Variants in TRAK1 observed in about 807,000 individuals in gnomAD.
TRAK1 encodes the protein trafficking kinesin protein 1.
A neutral mutation model predicts 92.1 loss-of-function variants in TRAK1; 33 were observed. The observed-to-expected ratio is 0.36, with a 90% CI of 0.27 to 0.48. The LOEUF (loss-of-function observed/expected upper bound fraction) is 0.48. Ranked by LOEUF, TRAK1 falls within the 20% of genes least tolerant of loss-of-function variation. The probability of loss-of-function intolerance (pLI) is 0.99; values close to 1 mark genes in which losing one functional copy is unlikely to be tolerated. For synonymous variants in TRAK1, 521 were observed against 517.3 expected (o/e 1.01, Z -0.10); for missense variants, 1,123 against 1,257.9 (o/e 0.89, Z 1.62).
upstream of TRAK1, among the ~76,000 whole-genome samples, chr3:42,082,495 G>A (rs955972154): frequency 2.6e-5 from 4 of 152,050 alleles, no homozygotes; most frequent in African/African-American, 9.7e-5. Flanking sequence ...CTACTTGGGA[G>A]ACTGAGGCAG....
chr3:42,031,354 A>G (rs1263250286), intron 1 of TRAK1, among the ~76,000 whole-genome samples: 1 of 151,014 alleles, frequency 6.6e-6, no homozygotes. Context: ...TTCAAAATTG[A>G]AAGTTTTCCA....
intron 2 of TRAK1, among the ~76,000 whole-genome samples, chr3:42,136,986 T>C (rs892834989): frequency 6.6e-6 from 1 of 152,162 alleles, no homozygotes; most frequent in African/African-American, 2.4e-5. Context: ...GACAAAATAA[T>C]ATTTCTATCA....
intron 1 of TRAK1, among the ~76,000 whole-genome samples, chr3:42,072,954 C>T (rs1015689255): frequency 6.6e-6 from 1 of 152,062 alleles, no homozygotes; most frequent in African/African-American, 2.4e-5. Flanking sequence ...AAGGTTTAGC[C>T]TTAAAAGTGG....
intron 1 of TRAK1, among the ~76,000 whole-genome samples, chr3:42,076,639 T>A (rs1704175614): frequency 6.6e-6 from 1 of 152,222 alleles, no homozygotes; most frequent in Admixed American, 6.5e-5. Flanking sequence ...TTTAATTAGA[T>A]CCCACTTACC....
chr3:42,027,774 A>G (rs1485967201), intron 1 of TRAK1, among the ~76,000 whole-genome samples: 1 of 152,190 alleles, frequency 6.6e-6, no homozygotes, highest in Non-Finnish European at 1.5e-5. Context: ...AACCAGGAAC[A>G]ACCATTTTTC....
At chr3:42,028,474 A>G (rs769652810) in intron 1 of TRAK1, among the ~76,000 whole-genome samples, 6 of 152,186 alleles carry the variant, frequency 3.9e-5, no homozygotes, top group Admixed American at 6.5e-5. Context: ...AAGAGACCCA[A>G]TGTAGTAATA....
intron 4 of TRAK1, among the ~76,000 whole-genome samples, chr3:42,186,426 G>A (rs1016664418): frequency 6.6e-6 from 1 of 152,196 alleles, no homozygotes; most frequent in African/African-American, 2.4e-5. Context: ...TTAATATGAT[G>A]AAGCATAGTC....
At chr3:42,041,805 T>G (rs1424311980) in intron 1 of TRAK1, among the ~76,000 whole-genome samples, 1 of 151,884 alleles carries the variant, frequency 6.6e-6, no homozygotes, top group Non-Finnish European at 1.5e-5. Context: ...TTCTTTTCTT[T>G]TCTTTTTGAG....
intron 2 of TRAK1, among the ~76,000 whole-genome samples, chr3:42,157,074 C>A (rs1700618331): frequency 6.6e-6 from 1 of 151,686 alleles, no homozygotes; most frequent in Non-Finnish European, 1.5e-5. Context: ...ATAGTTTGAA[C>A]CCAGGAGGCG....
At chr3:42,195,191 T>G (rs1468795706) in intron 10 of TRAK1, among the ~76,000 whole-genome samples, 2 of 152,364 alleles carry the variant, frequency 1.3e-5, no homozygotes, top group Middle Eastern at 3.4e-3. Context: ...ATAAATTTAG[T>G]AGGAACTTGC....
chr3:42,103,460 C>T (rs1165545806), intron 1 of TRAK1, among the ~76,000 whole-genome samples: 3 of 152,168 alleles, frequency 2.0e-5, no homozygotes, highest in Non-Finnish European at 4.4e-5. Context: ...CAGGCATGAG[C>T]CACTATGCCT....
intron 2 of TRAK1, among the ~76,000 whole-genome samples, chr3:42,138,310 T>C (rs1351875694): frequency 6.6e-6 from 1 of 152,220 alleles, no homozygotes; most frequent in Non-Finnish European, 1.5e-5. Context: ...AATTTTCATC[T>C]TCAGAGAGTA....
chr3:42,070,487 G>A (rs1576236178), intron 1 of TRAK1, among the ~76,000 whole-genome samples: 1 of 151,964 alleles, frequency 6.6e-6, no homozygotes, highest in Non-Finnish European at 1.5e-5. Context: ...GAGTGTGGTG[G>A]CGCCATCATG....
chr3:42,218,079 G>C, intron 14 of TRAK1: 1 of 985,364 alleles, frequency 1.0e-6, no homozygotes, highest in Non-Finnish European at 1.2e-6. Context: ...ACCCGAGTCA[G>C]ACCTTAAAAA....
chr3:42,223,164 C>CACT lies in TRAK1; in HGVS notation c.2289_2290insACT (p.Gly763_Arg764insThr). On this transcript the variant is annotated inframe_insertion, in exon 16 of 16. Coordinates refer to ENST00000327628, the MANE Select transcript of TRAK1 (RefSeq NM_001042646.3). The surrounding 1 kb of genome is among the most constrained non-coding windows in gnomAD (Gnocchi z 6.1). ...ACCCCCAGAGCTGGGACAGGGCCGG[C>CACT]CGGGGCTCCCTCCTGCACTCCTACA... 1 of 1,613,994 alleles carries CACT rather than the reference C, an allele frequency of 6.2e-7. No individual in the cohort carries two copies. The highest frequency in any genetic ancestry group is 8.5e-7 in the Non-Finnish European group (1 of 1,179,984).
chr3:42,202,934 C>T lies in TRAK1; in HGVS notation c.1744+182C>T, dbSNP rs1042572509. 16 of 1,404,268 alleles carry T rather than the reference C, an allele frequency of 1.1e-5. No homozygotes were observed. The highest frequency in any genetic ancestry group is 1.4e-5 in the Non-Finnish European group (15 of 1,078,808). 87.0% of individuals were successfully genotyped at this position (1,404,268 alleles called of 1,614,324 possible). A position where few individuals can be genotyped will look rare whatever the true frequency, so the allele number is the denominator to read the frequency against. On this transcript the variant is annotated intron_variant, in intron 13 of 15. Coordinates refer to ENST00000327628, the MANE Select transcript of TRAK1 (RefSeq NM_001042646.3). This position sits in a 1 kb window ranked among gnomAD's most constrained non-coding sequence, Gnocchi z 6.1. ...GCTCAGCCTAGGCCTCCGTCCCTCC[C>T]CTCTGGCTGGCAGGTGTGACAATGC...
At chr3:42,217,867 G>A in intron 14 of TRAK1, 13 of 985,182 alleles carry the variant, frequency 1.3e-5, no homozygotes, top group Non-Finnish European at 1.4e-5. Flanking sequence ...TTTTTGTTTT[G>A]CTTGTGGCAG....
At chr3:42,118,711 A>G (rs547301416) in intron 1 of TRAK1, among the ~76,000 whole-genome samples, 1 of 152,220 alleles carries the variant, frequency 6.6e-6, no homozygotes, top group Non-Finnish European at 1.5e-5. Flanking sequence ...CATCCTGGGT[A>G]GGAGGGTCCA....
intron 1 of TRAK1, among the ~76,000 whole-genome samples, chr3:42,041,639 C>T (rs1482628278): frequency 1.3e-5 from 2 of 150,108 alleles, no homozygotes; most frequent in Non-Finnish European, 3.0e-5. Flanking sequence ...ATTTCCAGTA[C>T]GATGTTGAAT....
Sources: gnomAD v4.1 joint callset for allele counts (sites outside exome capture counted in the v4.1 genomes callset) on GRCh38, gnomAD v4.1.1 for gene constraint, Gnocchi (gnomAD v3.1) non-coding constraint, MANE v1.5 for transcripts, NCBI Gene and HGNC (gene_info 2026-07-23, HGNC 2026-07-21) for gene names.